The following RARB variants were observed in gnomAD, a reference collection of about 807,000 sequenced individuals.
RARB encodes retinoic acid receptor beta.
Under a neutral mutation model 51.9 loss-of-function variants are expected in RARB, and 17 were observed. The observed-to-expected ratio is 0.33, with a 90% CI of 0.22 to 0.49. The LOEUF (loss-of-function observed/expected upper bound fraction) is 0.49, where lower values mean the gene tolerates loss of function less well. Ranked by LOEUF, RARB falls within the 20% of genes least tolerant of loss-of-function variation. The pLI is 0.99. For synonymous variants in RARB, 215 were observed against 195.4 expected (o/e 1.10, Z -0.84); for missense variants, 369 against 550.8 (o/e 0.67, Z 3.30).
chr3:25,156,960 A>T (rs2125344126), intron 4 of RARB, among the ~76,000 whole-genome samples: 1 of 152,384 alleles, frequency 6.6e-6, no homozygotes, highest in South Asian at 2.1e-4. Context: ...AGATCGTAGC[A>T]GGCACTTGTA....
chr3:25,142,550 A>C (rs1575179576), intron 4 of RARB, among the ~76,000 whole-genome samples: 1 of 150,780 alleles, frequency 6.6e-6, no homozygotes, highest in South Asian at 2.1e-4. Context: ...TCCCTCTCCC[A>C]CTAGCATTCT....
chr3:25,494,322 C>A (rs889612674), intron 2 of RARB, among the ~76,000 whole-genome samples: 13 of 146,312 alleles, frequency 8.9e-5, no homozygotes, highest in Non-Finnish European at 1.7e-4. Flanking sequence ...ACTGGCTGTT[C>A]CCTGCACTTT....
chr3:25,224,957 C>T (rs1282085878), intron 5 of RARB, among the ~76,000 whole-genome samples: 3 of 152,078 alleles, frequency 2.0e-5, no homozygotes, highest in African/African-American at 7.2e-5. Flanking sequence ...GATTTGTATT[C>T]AGAAGATAAG....
At chr3:25,238,850 G>A (rs767164344) in intron 5 of RARB, among the ~76,000 whole-genome samples, 3 of 152,128 alleles carry the variant, frequency 2.0e-5, no homozygotes, top group Middle Eastern at 3.4e-3. Flanking sequence ...ATGATGGCGC[G>A]TGCCTGTAGT....
intron 4 of RARB, among the ~76,000 whole-genome samples, chr3:25,153,841 A>T (rs559541523): frequency 1.3e-5 from 2 of 152,274 alleles, no homozygotes; most frequent in African/African-American, 4.8e-5. Flanking sequence ...TTTCCTCAAC[A>T]TTGTGCATTG....
At chr3:25,491,472 A>G (rs1575454815) in intron 2 of RARB, among the ~76,000 whole-genome samples, 1 of 152,170 alleles carries the variant, frequency 6.6e-6, no homozygotes, top group African/African-American at 2.4e-5. Flanking sequence ...GTCTTTAAAC[A>G]TAAGGTCAAC....
Position 25,585,778 on chromosome 3 carries a change from C to T in RARB, c.786+5056C>T, listed in dbSNP as rs1701359964. Among the ~76,000 whole-genome samples the T allele has an allele frequency of 2.0e-5, 3 of 152,126 alleles. No individual in the cohort carries two copies. In the South Asian group the frequency reaches 6.2e-4, roughly 31 times the overall value. ...TTTCTCAAAGCTGGAACTTCAGAAG[C>T]GGGACTGATTGTATTTGTCAACACA... On this transcript the variant is annotated intron_variant, in intron 5 of 7. Coordinates refer to ENST00000330688, the MANE Select transcript of RARB (RefSeq NM_000965.5).
At chr3:25,255,170 T>C (rs563527448) in intron 5 of RARB, among the ~76,000 whole-genome samples, 25 of 152,188 alleles carry the variant, frequency 1.6e-4, no homozygotes, top group Non-Finnish European at 3.1e-4. Context: ...AGTTCTCTCA[T>C]GCAGTCTTCC....
chr3:25,567,504 A>T (rs1700544943), intron 3 of RARB, among the ~76,000 whole-genome samples: 1 of 152,176 alleles, frequency 6.6e-6, no homozygotes, highest in Admixed American at 6.5e-5. Flanking sequence ...GACAAATAAT[A>T]TTCCACCATA....
At chr3:25,378,715 T>A (rs985243507) in intron 5 of RARB, among the ~76,000 whole-genome samples, 2 of 152,162 alleles carry the variant, frequency 1.3e-5, no homozygotes, top group African/African-American at 4.8e-5. Flanking sequence ...ATTAGAGAAT[T>A]AAAGGAAAAC....
intron 5 of RARB, among the ~76,000 whole-genome samples, chr3:25,204,938 A>G (rs537757943): frequency 4.6e-5 from 7 of 151,888 alleles, no homozygotes; most frequent in African/African-American, 9.7e-5. Flanking sequence ...GAGAACCACT[A>G]CTCTCTTCAA....
intron 5 of RARB, among the ~76,000 whole-genome samples, chr3:25,196,022 A>T (rs1701224696): frequency 6.6e-6 from 1 of 152,016 alleles, no homozygotes; most frequent in Admixed American, 6.6e-5. Flanking sequence ...CTTCGTGGTC[A>T]GCATGTATCT....
At chr3:24,979,979 T>G (rs1031461467) in intron 2 of RARB, among the ~76,000 whole-genome samples, 1 of 152,200 alleles carries the variant, frequency 6.6e-6, no homozygotes, top group Non-Finnish European at 1.5e-5. Flanking sequence ...GACAAAATCT[T>G]TCAGCATTTC....
intron 4 of RARB, among the ~76,000 whole-genome samples, chr3:25,140,204 A>T (rs1700087902): frequency 6.6e-6 from 1 of 152,204 alleles, no homozygotes; most frequent in Non-Finnish European, 1.5e-5. Flanking sequence ...TGTAAGGTAC[A>T]GCTGCCATAG....
At chr3:24,893,297 T>C (rs1703418393) in intron 2 of RARB, among the ~76,000 whole-genome samples, 1 of 152,222 alleles carries the variant, frequency 6.6e-6, no homozygotes, top group Non-Finnish European at 1.5e-5. Context: ...TATATTTGGT[T>C]ACATGGGTTT....
intron 1 of RARB, among the ~76,000 whole-genome samples, chr3:24,856,446 A>G (rs1702637776): frequency 6.6e-6 from 1 of 152,222 alleles, no homozygotes; most frequent in Non-Finnish European, 1.5e-5. Flanking sequence ...TGTTGAAATT[A>G]AAGTTATCCA....
intron 4 of RARB, among the ~76,000 whole-genome samples, chr3:25,147,643 A>G (rs1700216361): frequency 1.3e-5 from 2 of 152,328 alleles, no homozygotes; most frequent in African/African-American, 2.4e-5. Flanking sequence ...CATAAATTAT[A>G]TAAGACCTGA....
At chr3:25,430,932 T>C (rs1708177786) in intron 1 of RARB, among the ~76,000 whole-genome samples, 1 of 151,588 alleles carries the variant, frequency 6.6e-6, no homozygotes, top group Admixed American at 6.6e-5. Context: ...AACCACTTTA[T>C]GATGGTCAGT....
intron 5 of RARB, among the ~76,000 whole-genome samples, chr3:25,591,670 A>G (rs1306728894): frequency 3.9e-5 from 6 of 152,246 alleles, no homozygotes; most frequent in Admixed American, 6.5e-5. Context: ...TAGGTGATCA[A>G]TAAAACATTA....
Sources: gnomAD v4.1 joint callset for allele counts (sites outside exome capture counted in the v4.1 genomes callset) on GRCh38, gnomAD v4.1.1 for gene constraint, MANE v1.5 for transcripts, NCBI Gene and HGNC (gene_info 2026-07-23, HGNC 2026-07-21) for gene names.